The following PARD3B variants were observed in gnomAD, a reference collection of about 807,000 sequenced individuals.
PARD3B encodes the protein partitioning defective 3 homolog B.
PARD3B carries 103 observed loss-of-function variants against 130.2 expected under a neutral mutation model. The observed-to-expected ratio is 0.79, with a 90% CI of 0.67 to 0.93. PARD3B has a LOEUF of 0.93. Among genes scored for constraint, PARD3B ranks in the 40% least tolerant of loss-of-function variants. The pLI is 0.00. For missense variants in PARD3B, 1,609 were observed against 1,499.2 expected, an observed-to-expected ratio of 1.07 and a Z score of -1.21; for synonymous variants, 583 against 553.2, an observed-to-expected ratio of 1.05 and a Z score of -0.76.
At position 205,183,357 on chromosome 2, in the gene PARD3B, G is replaced by A. The variant is rs1278165170; in HGVS notation, c.1925-2407G>A. On this transcript the variant is annotated intron_variant, in intron 13 of 22. Coordinates refer to ENST00000406610, the MANE Select transcript of PARD3B (RefSeq NM_001302769.2). This position sits in a 1 kb window ranked among gnomAD's most constrained non-coding sequence, Gnocchi z 5.2. Reference sequence around the variant, plus strand: ...ACGTTCACCATCACTGTGGAAGATGGACTGAGAGGTTGAGGATAGAAGATG... The same window carrying A: ...ACGTTCACCATCACTGTGGAAGATGAACTGAGAGGTTGAGGATAGAAGATG... Among the ~76,000 whole-genome samples, 2 of 152,170 alleles carry A rather than the reference G, an allele frequency of 1.3e-5. No homozygotes were observed. Among genetic ancestry groups the A allele is most frequent in the East Asian group, 3.9e-4 (2 of 5,190 alleles).
rs116069657 is a variant in PARD3B, at chr2:205,233,635, G to A, written c.2141-12143G>A. On this transcript the variant is annotated intron_variant, in intron 15 of 22. Coordinates refer to ENST00000406610, the MANE Select transcript of PARD3B (RefSeq NM_001302769.2). ...CCCTCTCTATTTATGATGGGGTTAC[G>A]TTCCAATAAACCTATCATTAAGTTG... 6.4e-3 allele frequency among the ~76,000 whole-genome samples: 979 copies of A among 152,154 alleles called. 12 individuals carry two copies. The highest frequency in any genetic ancestry group is 0.022 in the African/African-American group (920 of 41,504).
intron 1 of PARD3B, among the ~76,000 whole-genome samples, chr2:204,562,328 T>G (rs1193186936): frequency 2.6e-5 from 4 of 152,150 alleles, no homozygotes; most frequent in African/African-American, 9.7e-5. Flanking sequence ...ATCTGATTGC[T>G]TATAGATTTA....
intron 2 of PARD3B, among the ~76,000 whole-genome samples, chr2:204,928,398 T>A (rs1687789811): frequency 6.6e-6 from 1 of 152,144 alleles, no homozygotes; most frequent in Non-Finnish European, 1.5e-5. Context: ...TACACTCTGC[T>A]TTTGATGAAA....
At chr2:204,997,958 A>ATG (rs997431338) in intron 3 of PARD3B, among the ~76,000 whole-genome samples, 14 of 109,600 alleles carry the variant, frequency 1.3e-4, no homozygotes, top group African/African-American at 3.5e-4. Context: ...TAGTGAGTGT[A>ATG]TGTGTATATA....
At chr2:205,326,051 A>G (rs1277124807) in intron 18 of PARD3B, among the ~76,000 whole-genome samples, 1 of 152,182 alleles carries the variant, frequency 6.6e-6, no homozygotes, top group Non-Finnish European at 1.5e-5. Context: ...GTATACTGTT[A>G]CCAGGGAAGG....
At chr2:205,380,003 G>T (rs1280813988) in intron 18 of PARD3B, among the ~76,000 whole-genome samples, 1 of 147,734 alleles carries the variant, frequency 6.8e-6, no homozygotes, top group South Asian at 2.1e-4. Flanking sequence ...AGAAGATGGA[G>T]GTTGCAGTGA....
intron 3 of PARD3B, among the ~76,000 whole-genome samples, chr2:204,998,356 A>ATGTGTGTG (rs1272802972): frequency 7.7e-5 from 5 of 65,062 alleles, no homozygotes; most frequent in African/African-American, 4.1e-4. Flanking sequence ...ATATATATAT[A>ATGTGTGTG]TATGTGTGTG....
At chr2:204,549,869 G>A (rs1455192274) in intron 1 of PARD3B, among the ~76,000 whole-genome samples, 1 of 152,010 alleles carries the variant, frequency 6.6e-6, no homozygotes, top group African/African-American at 2.4e-5. Context: ...TACAGAAAGT[G>A]AATTTATTAC....
At chr2:205,062,400 T>C (rs750350587) in intron 4 of PARD3B, among the ~76,000 whole-genome samples, 6 of 152,110 alleles carry the variant, frequency 3.9e-5, no homozygotes, top group Non-Finnish European at 5.9e-5. Flanking sequence ...TGCCCTGCTG[T>C]GCCCACAGAG....
At chr2:205,002,877 G>C (rs1160899479) in intron 3 of PARD3B, among the ~76,000 whole-genome samples, 1 of 152,146 alleles carries the variant, frequency 6.6e-6, no homozygotes, top group Non-Finnish European at 1.5e-5. Flanking sequence ...TTACATTTCT[G>C]GAGTCTCGCC....
chr2:205,449,166 C>CAA lies in PARD3B; in HGVS notation c.3044+8514_3044+8515dup, dbSNP rs757916003. ...GGGCAACAAGAGCGAAACTCCATCT[C>CAA]AAAAAAAAAAAAAAAAAAAAAGTGT... On this transcript the variant is annotated intron_variant, in intron 20 of 22. Coordinates refer to ENST00000406610, the MANE Select transcript of PARD3B (RefSeq NM_001302769.2). Among the ~76,000 whole-genome samples, 73 of 50,108 alleles carry CAA rather than the reference C, an allele frequency of 1.5e-3. 1 individual carries two copies. Among genetic ancestry groups the CAA allele is most frequent in the South Asian group, 2.3e-3 (3 of 1,280 alleles). The allele number at this position is 50,108 out of a possible 152,430, so 32.9% of individuals were successfully genotyped here.
Position 205,440,628 on chromosome 2 carries a change from T to A in PARD3B, c.3000T>A (p.Tyr1000Ter). 1 of 1,613,946 alleles carries A rather than the reference T, an allele frequency of 6.2e-7. No individual in the cohort carries two copies. Reference sequence around the variant, plus strand: ...AAAGAGACCACTTAGAGGGTCTCTATGCCAAGGTCAACAAGCCATACCATC... The same window carrying A: ...AAAGAGACCACTTAGAGGGTCTCTAAGCCAAGGTCAACAAGCCATACCATC... Reference protein sequence around the residue: ...SPERDHLEGLYAKVNKPYHPL... With the variant: ...SPERDHLEGL Residue 1000 changes from tyrosine to a stop codon, truncating the protein, a stop_gained, in exon 20 of 23, where the codon TAT becomes TAA. Transcript: ENST00000406610. LOFTEE classifies it high-confidence loss of function. This position sits in a 1 kb window ranked among gnomAD's most constrained non-coding sequence, Gnocchi z 4.2.
intron 1 of PARD3B, among the ~76,000 whole-genome samples, chr2:204,549,932 A>C (rs1287146735): frequency 7.9e-5 from 12 of 152,160 alleles, no homozygotes; most frequent in African/African-American, 1.9e-4. Flanking sequence ...TCATTAAAAA[A>C]AAACAAACAA....
chr2:204,913,339 T>G (rs1313949909), intron 2 of PARD3B, among the ~76,000 whole-genome samples: 2 of 152,188 alleles, frequency 1.3e-5, no homozygotes, highest in Non-Finnish European at 2.9e-5. Flanking sequence ...ACCAATTAAG[T>G]GCTGTGTGAT....
chr2:205,135,460 A>G (rs1043965333), intron 10 of PARD3B, among the ~76,000 whole-genome samples: 2 of 152,338 alleles, frequency 1.3e-5, no homozygotes, highest in East Asian at 1.9e-4. Context: ...AATTGCCACT[A>G]CAGTCCATCT....
At chr2:204,910,928 C>T (rs764637768) in intron 2 of PARD3B, among the ~76,000 whole-genome samples, 4 of 152,206 alleles carry the variant, frequency 2.6e-5, no homozygotes, top group African/African-American at 9.6e-5. Context: ...AGGCATGAGA[C>T]ACCGCGCCCG....
chr2:205,504,118 A>G (rs576358053), intron 21 of PARD3B, among the ~76,000 whole-genome samples: 19 of 152,302 alleles, frequency 1.2e-4, no homozygotes, highest in Middle Eastern at 3.4e-3. Flanking sequence ...TCTTTCACAA[A>G]CCTAACAAAA....
At chr2:205,314,688 C>A (rs148695473) in intron 18 of PARD3B, among the ~76,000 whole-genome samples, 1 of 152,316 alleles carries the variant, frequency 6.6e-6, no homozygotes, top group Non-Finnish European at 1.5e-5. Context: ...TTATCTCAAT[C>A]CTGCTAAATA....
rs1340034039 is a variant in PARD3B, at chr2:204,821,683, T to C, written c.222+135401T>C. On this transcript the variant is annotated intron_variant, in intron 2 of 22. Coordinates refer to ENST00000406610, the MANE Select transcript of PARD3B (RefSeq NM_001302769.2). ...CATTGTACACATGTACCCTAAAACT[T>C]AAAGTATAATAATAATAAAATAAAA... is the stretch of plus-strand genomic sequence containing the variant. 2.0e-5 allele frequency among the ~76,000 whole-genome samples: 3 copies of C among 150,574 alleles called. No individual in the cohort carries two copies. The South Asian group carries it at 6.3e-4, about 32-fold the overall frequency.
Sources: gnomAD v4.1 joint callset for allele counts (sites outside exome capture counted in the v4.1 genomes callset) on GRCh38, gnomAD v4.1.1 for gene constraint, Gnocchi (gnomAD v3.1) non-coding constraint, MANE v1.5 for transcripts, NCBI Gene and HGNC (gene_info 2026-07-23, HGNC 2026-07-21) for gene names.